The following VPS13C variants were observed in gnomAD, a reference collection of about 807,000 sequenced individuals.
VPS13C encodes the protein vacuolar protein sorting 13 homolog C.
VPS13C carries 358 observed loss-of-function variants against 456.8 expected under a neutral mutation model. The observed-to-expected ratio is 0.78, with a 90% CI of 0.72 to 0.86. The LOEUF (loss-of-function observed/expected upper bound fraction) is 0.86, where lower values mean the gene tolerates loss of function less well. Ranked by LOEUF, VPS13C falls within the 40% of genes least tolerant of loss-of-function variation. The pLI is 0.00. For synonymous variants in VPS13C, 1,578 were observed against 1,486.7 expected, an observed-to-expected ratio of 1.06 and a Z score of -1.41; for missense variants, 4,818 against 4,385.4, an observed-to-expected ratio of 1.10 and a Z score of -2.79.
rs1322466824 is a variant in VPS13C, at chr15:62,003,608, G to C, written c.1291-2982C>G. On this transcript the variant is annotated intron_variant, in intron 15 of 84. Coordinates refer to ENST00000644861, the MANE Select transcript of VPS13C (RefSeq NM_020821.3). ...TCCCTGTCTTGTGCCAGTTTTCAAAGGGAATGCTTCCAGTTTTTGCCCATT... is the reference window on the plus strand; with the variant it reads ...TCCCTGTCTTGTGCCAGTTTTCAAACGGAATGCTTCCAGTTTTTGCCCATT... Among the ~76,000 whole-genome samples, 33 of 152,064 alleles carry C rather than the reference G, an allele frequency of 2.2e-4. 1 individual carries two copies. The highest frequency in any genetic ancestry group is 7.7e-4 in the East Asian group (4 of 5,162).
At chr15:61,995,822 C>T (rs914311856) in intron 16 of VPS13C, among the ~76,000 whole-genome samples, 4 of 152,228 alleles carry the variant, frequency 2.6e-5, no homozygotes, top group Non-Finnish European at 4.4e-5. Context: ...TTAACCCATA[C>T]CTAGACTCCA....
chr15:61,995,775 T>C (rs1377603299), intron 16 of VPS13C, among the ~76,000 whole-genome samples: 2 of 152,160 alleles, frequency 1.3e-5, no homozygotes, highest in East Asian at 1.9e-4. Context: ...CAAACCAACA[T>C]CTTGCAATAT....
In VPS13C at chr15:61,880,739, C is replaced by T; in HGVS notation, c.9889-17G>A. 1 of 1,544,042 alleles carries T rather than the reference C, an allele frequency of 6.5e-7. No homozygotes were observed. Among genetic ancestry groups the T allele is most frequent in the East Asian group, 2.3e-5 (1 of 43,198 alleles). ...TAACTTTGTCTGAAAAAAATAAAAT[C>T]AAGAATTTCTATTTTAATTTTTTTC... On this transcript the variant is annotated splice_polypyrimidine_tract_variant and intron_variant, in intron 72 of 84. Transcript: ENST00000644861.
At position 61,973,551 on chromosome 15, in the gene VPS13C, A is replaced by C; in HGVS notation, c.2539-19T>G. On this transcript the variant is annotated intron_variant, in intron 25 of 84. Transcript: ENST00000644861. ...AGGATACCTAGCAAAGAATACAAAA[A>C]GTTTTCTTAAAAAGGATGACTTAGC... 1 of 1,593,828 alleles carries C rather than the reference A, an allele frequency of 6.3e-7. No homozygotes were observed. Among genetic ancestry groups the C allele is most frequent in the East Asian group, 2.2e-5 (1 of 44,658 alleles).
chr15:61,880,762 T>G (rs28538675), intron 72 of VPS13C, 40 bp from the exon 73 acceptor site: 1 of 1,538,022 alleles, frequency 6.5e-7, no homozygotes, highest in South Asian at 1.2e-5. Flanking sequence ...TTTAATTTTT[T>G]TCTCTATTAG....
chr15:61,939,510 T>C (rs1235967040), intron 47 of VPS13C, among the ~76,000 whole-genome samples: 1 of 152,172 alleles, frequency 6.6e-6, no homozygotes, highest in South Asian at 2.1e-4. Flanking sequence ...TGAAAACCCA[T>C]TAAACCACTA....
intron 49 of VPS13C, among the ~76,000 whole-genome samples, chr15:61,932,177 T>G (rs2044081554): frequency 6.6e-6 from 1 of 152,150 alleles, no homozygotes; most frequent in African/African-American, 2.4e-5. Context: ...TCAGAGAGGT[T>G]GAAGAGATCA....
chr15:61,898,331 C>T (rs2042895602), intron 66 of VPS13C, among the ~76,000 whole-genome samples: 1 of 151,982 alleles, frequency 6.6e-6, no homozygotes, highest in African/African-American at 2.4e-5. Context: ...AGTCAAGACC[C>T]ATCAGTGTGC....
intron 23 of VPS13C, 68 bp downstream of exon 23, chr15:61,978,558 A>C: frequency 1.3e-6 from 2 of 1,554,896 alleles, no homozygotes; most frequent in Non-Finnish European, 1.7e-6. Flanking sequence ...AGGCACACAT[A>C]TATACACGTA....
rs151098120 is a variant in VPS13C, at chr15:61,917,691, C to G, written c.7761-56G>C. Reference sequence around the variant, plus strand: ...TTTTGATCCACAACTTAAAAAAAAGCATCTCATTAAATCTTCCTGACAACT... The same window carrying G: ...TTTTGATCCACAACTTAAAAAAAAGGATCTCATTAAATCTTCCTGACAACT... On this transcript the variant is annotated intron_variant, in intron 59 of 84. Transcript: ENST00000644861. The G allele has an allele frequency of 9.5e-5, 147 of 1,544,108 alleles. No individual in the cohort carries two copies. In the African/African-American group the frequency reaches 1.7e-3, roughly 17 times the overall value.
chr15:61,917,266 T>G, intron 60 of VPS13C, 75 bp downstream of exon 60: 3 of 1,484,288 alleles, frequency 2.0e-6, no homozygotes, highest in Non-Finnish European at 2.7e-6. Flanking sequence ...CTGACCTCAC[T>G]TAAAAATACC....
intron 5 of VPS13C, 101 bp from the exon 6 acceptor site, chr15:62,028,521 A>G: frequency 8.5e-7 from 1 of 1,182,556 alleles, no homozygotes; most frequent in Non-Finnish European, 1.2e-6. Context: ...ATATAATTAG[A>G]AATCATGTAA....
chr15:61,987,423 A>G (rs1161809317), intron 18 of VPS13C, among the ~76,000 whole-genome samples: 1 of 152,184 alleles, frequency 6.6e-6, no homozygotes, highest in Non-Finnish European at 1.5e-5. Context: ...GAGCAAAGAC[A>G]CTTCTTACAT....
chr15:62,055,976 C>G (rs1261598869), intron 1 of VPS13C, among the ~76,000 whole-genome samples: 1 of 152,068 alleles, frequency 6.6e-6, no homozygotes, highest in Non-Finnish European at 1.5e-5. Context: ...GCCAATAGCA[C>G]ACCTCTTCCC....
chr15:61,873,183 A>G (rs752729915), intron 78 of VPS13C, 63 bp downstream of exon 78: 41 of 1,598,670 alleles, frequency 2.6e-5, no homozygotes, highest in Non-Finnish European at 3.5e-5. Flanking sequence ...AGTTTCACAC[A>G]ACCAGCTAGA....
At chr15:61,978,927 T>A (rs900045490) in intron 22 of VPS13C, among the ~76,000 whole-genome samples, 178 bp from the exon 23 acceptor site, 12 of 152,224 alleles carry the variant, frequency 7.9e-5, no homozygotes, top group African/African-American at 1.2e-4. Flanking sequence ...CAATATAATA[T>A]TTCAGCATAC....
intron 50 of VPS13C, 132 bp from the exon 51 acceptor site, chr15:61,929,880 T>A: frequency 1.1e-6 from 1 of 881,900 alleles, no homozygotes; most frequent in Non-Finnish European, 1.7e-6. Context: ...AGGTCAACAT[T>A]AACTAGAATC....
intron 67 of VPS13C, among the ~76,000 whole-genome samples, chr15:61,885,135 T>C (rs1164869277): frequency 6.6e-6 from 1 of 152,056 alleles, no homozygotes; most frequent in East Asian, 1.9e-4. Flanking sequence ...GCTTCATGTT[T>C]TAACCTTGGA....
rs770094876 is a variant in VPS13C at position 61,917,466 on chromosome 15, G to C, written c.7930C>G (p.Leu2644Val). The stretch of plus-strand genomic sequence containing the variant: ...CATATGTAGCTCAATTCATCAGGCA[G>C]AGCAACTGTATTCACTATGAGAGGT... ...FLPLIVNTVA[L>V]PDELSYICTH... The change falls in exon 60 of 85, where the codon CTG (leucine) becomes GTG (valine). Residue 2644 changes from leucine to valine, a missense_variant. This residue lies in a region of VPS13C where 4,552 missense variants were observed against 4,130.6 expected (regional missense o/e 1.10). Coordinates refer to ENST00000644861, the MANE Select transcript of VPS13C (RefSeq NM_020821.3). 6.2e-7 allele frequency: 1 copy of C among 1,614,032 alleles called. No individual in the cohort carries two copies. Among genetic ancestry groups the C allele is most frequent in the South Asian group, 1.1e-5 (1 of 91,080 alleles).
Sources: allele counts gnomAD v4.1 joint callset (sites outside exome capture counted in the v4.1 genomes callset), GRCh38; gene constraint gnomAD v4.1.1; regional missense constraint gnomAD v4.1.1; transcripts MANE v1.5; gene names NCBI Gene and HGNC (gene_info 2026-07-23, HGNC 2026-07-21).